Variants in COLGALT2 observed in about 807,000 individuals in gnomAD.
The protein encoded by COLGALT2 is collagen beta(1-O)galactosyltransferase 2, also known as procollagen galactosyltransferase 2.
A neutral mutation model predicts 73.4 loss-of-function variants in COLGALT2; 49 were observed. The ratio of observed to expected loss-of-function variants is 0.67; its 90% CI spans 0.53 to 0.85. The LOEUF (loss-of-function observed/expected upper bound fraction) is 0.85. Among genes scored for constraint, COLGALT2 ranks in the 40% least tolerant of loss-of-function variants. The pLI is 0.00. For synonymous variants in COLGALT2, 295 were observed against 307.6 expected, an observed-to-expected ratio of 0.96 and a Z score of 0.43; for missense variants, 722 against 790.2, an observed-to-expected ratio of 0.91 and a Z score of 1.03.
At chr1:183,993,201 G>T (rs950980432) in intron 1 of COLGALT2, among the ~76,000 whole-genome samples, 2 of 152,202 alleles carry the variant, frequency 1.3e-5, no homozygotes, top group Non-Finnish European at 2.9e-5. Flanking sequence ...TATCTGGAAA[G>T]TTTGACTTTC....
At chr1:183,982,781 A>G (rs1671387313) in intron 1 of COLGALT2, among the ~76,000 whole-genome samples, 1 of 152,180 alleles carries the variant, frequency 6.6e-6, no homozygotes, top group Non-Finnish European at 1.5e-5. Context: ...CAGCCTGGGC[A>G]ACATAGTGAG....
At position 184,037,571 on chromosome 1, in the gene COLGALT2, C is replaced by T; in HGVS notation, c.-214G>A. ...CACCGCCCAGGCCCCAGTGCGGGTG[C>T]GCAGCGTACCTGCAGCCGCTGGCGC... On this transcript the variant is annotated 5_prime_UTR_variant, in exon 1 of 12. Coordinates refer to ENST00000361927, the MANE Select transcript of COLGALT2 (RefSeq NM_015101.4). 1.5e-5 allele frequency: 17 copies of T among 1,105,546 alleles called. No homozygotes were observed. Among genetic ancestry groups the T allele is most frequent in the Non-Finnish European group, 1.9e-5 (17 of 908,352 alleles). The allele number at this position is 1,105,546 out of a possible 1,614,324, so 68.5% of individuals were successfully genotyped here.
intron 6 of COLGALT2, among the ~76,000 whole-genome samples, chr1:183,956,748 A>C (rs1402002046): frequency 1.3e-5 from 2 of 152,234 alleles, no homozygotes; most frequent in Non-Finnish European, 2.9e-5. Context: ...TGCAAAAAAA[A>C]AGCCACAAGT....
At chr1:184,023,654 G>T (rs929792984) in intron 1 of COLGALT2, among the ~76,000 whole-genome samples, 3 of 149,792 alleles carry the variant, frequency 2.0e-5, no homozygotes, top group South Asian at 2.1e-4. Flanking sequence ...GGGGGGGGGG[G>T]GCGGTGCCGG....
chr1:183,945,777 T>A (rs1283014518), intron 8 of COLGALT2: 1 of 581,046 alleles, frequency 1.7e-6, no homozygotes, highest in Non-Finnish European at 3.0e-6. Flanking sequence ...TTTTTGTGTA[T>A]CCCTCATAGT....
chr1:183,973,850 G>T lies in COLGALT2; in HGVS notation c.493-100C>A, dbSNP rs1252505424. 4.4e-6 allele frequency: 5 copies of T among 1,133,942 alleles called. No individual in the cohort carries two copies. In the African/African-American group the frequency reaches 7.8e-5, roughly 18 times the overall value. 70.2% of individuals were successfully genotyped at this position (1,133,942 alleles called of 1,614,324 possible). On this transcript the variant is annotated intron_variant, in intron 3 of 11. Coordinates refer to ENST00000361927, the MANE Select transcript of COLGALT2 (RefSeq NM_015101.4). ...TGAAGGATCCCAGAAACTTGCTCAT[G>T]ACATATGGAACCAGCTATCTATGTC...
chr1:183,973,755 G>A lies in COLGALT2; in HGVS notation c.493-5C>T, dbSNP rs774110629. On this transcript the variant is annotated splice_region_variant and splice_polypyrimidine_tract_variant and intron_variant, in intron 3 of 11. Transcript: ENST00000361927. ...GAAATTGTCAACATCTATGAACTAG[G>A]AAAAGAAAAGGATAATGTTAGGTGA... The A allele has an allele frequency of 1.6e-5, 25 of 1,612,406 alleles. No individual in the cohort carries two copies. The highest frequency in any genetic ancestry group is 2.0e-5 in the Non-Finnish European group (24 of 1,179,078).
chr1:183,972,739 A>G (rs12138992), intron 4 of COLGALT2, among the ~76,000 whole-genome samples: 35,700 of 150,610 alleles, frequency 0.24, 5,135 homozygotes, highest in Non-Finnish European at 0.32. Flanking sequence ...TCGCTCTGTC[A>G]CCCAGGCTGG....
intron 4 of COLGALT2, among the ~76,000 whole-genome samples, chr1:183,973,062 A>G (rs1057463726): frequency 6.6e-6 from 1 of 152,208 alleles, no homozygotes; most frequent in Non-Finnish European, 1.5e-5. Context: ...ATAATCTTAA[A>G]TGCTGAAAAA....
chr1:183,986,153 G>A (rs1176076204), intron 1 of COLGALT2, among the ~76,000 whole-genome samples: 1 of 152,088 alleles, frequency 6.6e-6, no homozygotes, highest in Non-Finnish European at 1.5e-5. Context: ...TGGTTACTGG[G>A]TAGAATTCTG....
chr1:183,963,054 T>A (rs1319791633), intron 6 of COLGALT2, among the ~76,000 whole-genome samples: 1 of 152,168 alleles, frequency 6.6e-6, no homozygotes, highest in Non-Finnish European at 1.5e-5. Context: ...TTCAACATCT[T>A]CCCCTAGGTT....
chr1:183,975,252 T>C (rs572603261), intron 2 of COLGALT2, 38 bp from the exon 3 acceptor site: 163 of 1,293,284 alleles, frequency 1.3e-4, no homozygotes, highest in Admixed American at 1.5e-4. Flanking sequence ...ATTGAGTGCC[T>C]ACATGTACCA....
chr1:184,031,801 G>C (rs1197968529), intron 1 of COLGALT2, among the ~76,000 whole-genome samples: 1 of 147,944 alleles, frequency 6.8e-6, no homozygotes, highest in Non-Finnish European at 1.5e-5. Flanking sequence ...GTCTAGAACA[G>C]TGCCTCCATG....
intron 1 of COLGALT2, among the ~76,000 whole-genome samples, chr1:184,007,087 C>A (rs550481349): frequency 6.6e-6 from 1 of 152,332 alleles, no homozygotes; most frequent in South Asian, 2.1e-4. Context: ...AAAGCAGAGG[C>A]AGCATTAAAA....
At chr1:184,036,425 C>G (rs748765815) in intron 1 of COLGALT2, among the ~76,000 whole-genome samples, 1 of 152,220 alleles carries the variant, frequency 6.6e-6, no homozygotes, top group Non-Finnish European at 1.5e-5. Context: ...CGTGGAACCC[C>G]GATGCACCGG....
rs1445505475 is a variant in COLGALT2, at chr1:184,037,080, C to T, written c.263+15G>A. 2 of 1,543,500 alleles carry T rather than the reference C, an allele frequency of 1.3e-6. No homozygotes were observed. Among genetic ancestry groups the T allele is most frequent in the African/African-American group, 1.4e-5 (1 of 70,084 alleles). On this transcript the variant is annotated intron_variant, in intron 1 of 11. Coordinates refer to ENST00000361927, the MANE Select transcript of COLGALT2 (RefSeq NM_015101.4). Reference sequence around the variant, plus strand: ...CGCGTCCCGCCGCGGCGGCCCGGGGCCCGTGCGCGCTCACCAGATGGCCAT... The same window carrying T: ...CGCGTCCCGCCGCGGCGGCCCGGGGTCCGTGCGCGCTCACCAGATGGCCAT...
intron 1 of COLGALT2, among the ~76,000 whole-genome samples, chr1:184,013,726 T>C (rs751059122): frequency 2.0e-5 from 3 of 150,258 alleles, no homozygotes; most frequent in Non-Finnish European, 4.4e-5. Flanking sequence ...TTCCAGTGTG[T>C]ATAATGGATG....
downstream of COLGALT2, among the ~76,000 whole-genome samples, chr1:183,932,405 G>A (rs1466944516): frequency 1.3e-5 from 2 of 152,070 alleles, no homozygotes; most frequent in Non-Finnish European, 2.9e-5. Context: ...TGATACAAGA[G>A]TTAGTTGCTG....
intron 1 of COLGALT2, among the ~76,000 whole-genome samples, chr1:184,016,999 C>T (rs1649021915): frequency 6.6e-6 from 1 of 152,132 alleles, no homozygotes; most frequent in African/African-American, 2.4e-5. Context: ...AGTTTCAAGC[C>T]ATTTCACTGT....
Sources: allele counts gnomAD v4.1 joint callset (sites outside exome capture counted in the v4.1 genomes callset), GRCh38; gene constraint gnomAD v4.1.1; transcripts MANE v1.5; gene names NCBI Gene and HGNC (gene_info 2026-07-23, HGNC 2026-07-21).